The following SIPA1L2 variants were observed in gnomAD, a reference collection of about 807,000 sequenced individuals.
SIPA1L2 encodes the protein signal-induced proliferation-associated 1-like protein 2.
Under a neutral mutation model 163.9 loss-of-function variants are expected in SIPA1L2, and 56 were observed. The observed-to-expected ratio is 0.34, with a 90% CI of 0.28 to 0.43. SIPA1L2 has a LOEUF of 0.43. Among genes scored for constraint, SIPA1L2 ranks in the 20% least tolerant of loss-of-function variants. The pLI, the probability that SIPA1L2 is intolerant of heterozygous loss-of-function variation, is 1.00. For synonymous variants in SIPA1L2, 877 were observed against 865.7 expected (o/e 1.01, Z -0.23); for missense variants, 1,974 against 2,193.5 (o/e 0.90, Z 2.00).
Position 232,461,170 on chromosome 1 carries a change from G to A in SIPA1L2, c.2821-9C>T, listed in dbSNP as rs1664216023. Reference sequence around the variant, plus strand: ...CAGCCTCTCGTCACTATCTAAGGGGGAAGGAGACTGTTAGAGATGCCCTTC... The same window carrying A: ...CAGCCTCTCGTCACTATCTAAGGGGAAAGGAGACTGTTAGAGATGCCCTTC... On this transcript the variant is annotated splice_polypyrimidine_tract_variant and intron_variant, in intron 9 of 22. Coordinates refer to ENST00000674635, the MANE Select transcript of SIPA1L2 (RefSeq NM_020808.5). 2 of 1,611,906 alleles carry A rather than the reference G, an allele frequency of 1.2e-6. No homozygotes were observed. The highest frequency in any genetic ancestry group is 1.3e-5 in the African/African-American group (1 of 74,882).
At chr1:232,602,944 T>C (rs1041688273) in intron 1 of SIPA1L2, among the ~76,000 whole-genome samples, 7 of 152,332 alleles carry the variant, frequency 4.6e-5, no homozygotes, top group African/African-American at 1.4e-4. Flanking sequence ...GGCTACCATA[T>C]TGAACACACC....
At chr1:232,470,135 T>C (rs999993712) in intron 8 of SIPA1L2, among the ~76,000 whole-genome samples, 3 of 152,132 alleles carry the variant, frequency 2.0e-5, no homozygotes, top group African/African-American at 7.2e-5. Context: ...AAAGGCCAAC[T>C]CACCAGGTTT....
At chr1:232,577,620 C>T (rs1406735844) in intron 1 of SIPA1L2, among the ~76,000 whole-genome samples, 1 of 151,958 alleles carries the variant, frequency 6.6e-6, no homozygotes, top group Non-Finnish European at 1.5e-5. Flanking sequence ...GTCAAAATAT[C>T]AACAATTAAC....
intron 1 of SIPA1L2, among the ~76,000 whole-genome samples, chr1:232,616,344 A>T (rs941887556): frequency 6.6e-6 from 1 of 152,226 alleles, no homozygotes; most frequent in African/African-American, 2.4e-5. Context: ...CTAGAACAGA[A>T]GCCCAGGGAT....
At chr1:232,556,383 G>C (rs1658703967) in intron 2 of SIPA1L2, among the ~76,000 whole-genome samples, 1 of 151,950 alleles carries the variant, frequency 6.6e-6, no homozygotes, top group Admixed American at 6.5e-5. Context: ...AAAAGAAAAA[G>C]TGAACCCAAA....
intron 2 of SIPA1L2, among the ~76,000 whole-genome samples, chr1:232,570,299 C>T (rs1334884596): frequency 6.6e-6 from 1 of 152,166 alleles, no homozygotes; most frequent in Non-Finnish European, 1.5e-5. Flanking sequence ...GTGAACAAAT[C>T]CTAACTTCGC....
chr1:232,608,911 C>T (rs1662102135), intron 1 of SIPA1L2, among the ~76,000 whole-genome samples: 2 of 152,062 alleles, frequency 1.3e-5, no homozygotes, highest in South Asian at 2.1e-4. Flanking sequence ...TAGCTACTTA[C>T]TCACAATAGG....
At chr1:232,613,148 TA>T (rs1192181694) in intron 1 of SIPA1L2, among the ~76,000 whole-genome samples, 1 of 152,178 alleles carries the variant, frequency 6.6e-6, no homozygotes, top group Non-Finnish European at 1.5e-5. Context: ...TGTGAAACTG[TA>T]AGTCCAATTA....
Position 232,403,465 on chromosome 1 carries a change from C to A in SIPA1L2, c.4923G>T (p.Glu1641Asp). The A allele has an allele frequency of 6.3e-7, 1 of 1,583,312 alleles. No individual in the cohort carries two copies. Among genetic ancestry groups the A allele is most frequent in the South Asian group, 1.1e-5 (1 of 89,376 alleles). The change falls in exon 21 of 23, where the codon GAG becomes GAT. Residue 1641 changes from glutamate (E) to aspartate (D), a missense_variant. Coordinates refer to ENST00000674635, the MANE Select transcript of SIPA1L2 (RefSeq NM_020808.5). ...TCACATACCCAGTTGTGTCCATGAACTCTTTGCCACTGCCTGGATCTACAC... is the reference window on the plus strand; with the variant it reads ...TCACATACCCAGTTGTGTCCATGAAATCTTTGCCACTGCCTGGATCTACAC... ...PLCVDPGSGKEFMDTTGERSP... is the reference protein window; with the variant it reads ...PLCVDPGSGKDFMDTTGERSP...
At chr1:232,603,385 G>A (rs1185478066) in intron 1 of SIPA1L2, among the ~76,000 whole-genome samples, 2 of 151,554 alleles carry the variant, frequency 1.3e-5, no homozygotes, top group East Asian at 2.0e-4. Flanking sequence ...ATAAGATCAT[G>A]AGACCCCAGT....
chr1:232,468,729 C>A (rs1257661406), intron 8 of SIPA1L2, among the ~76,000 whole-genome samples: 1 of 152,154 alleles, frequency 6.6e-6, no homozygotes, highest in East Asian at 1.9e-4. Flanking sequence ...ATAGGTATCT[C>A]TCCACTTTTA....
At chr1:232,504,385 C>T (rs556992563) in intron 3 of SIPA1L2, among the ~76,000 whole-genome samples, 18 of 151,666 alleles carry the variant, frequency 1.2e-4, no homozygotes, top group African/African-American at 3.1e-4. Context: ...TAAAAATAAA[C>T]GAACTAGCCA....
intron 14 of SIPA1L2, among the ~76,000 whole-genome samples, chr1:232,440,843 G>A (rs1340192886): frequency 2.6e-5 from 4 of 152,188 alleles, no homozygotes; most frequent in Admixed American, 2.0e-4. Flanking sequence ...GAACTACCAC[G>A]TGGGCGGTGC....
In SIPA1L2 at chr1:232,457,229, C is replaced by A. The variant is rs565265326; in HGVS notation, c.3095+3658G>T. On this transcript the variant is annotated intron_variant, in intron 10 of 22. Coordinates refer to ENST00000674635, the MANE Select transcript of SIPA1L2 (RefSeq NM_020808.5). The stretch of plus-strand genomic sequence containing the variant: ...TGAGTCAAAACCAAACACCTTTTGA[C>A]CTGAGGACAAGAAAAACTGTCTATT... Among the ~76,000 whole-genome samples, 183 of 152,320 alleles carry A rather than the reference C, an allele frequency of 1.2e-3. 1 individual carries two copies. Among genetic ancestry groups the A allele is most frequent in the South Asian group, 2.7e-3 (13 of 4,830 alleles).
chr1:232,509,473 G>A (rs1007465418), intron 3 of SIPA1L2, among the ~76,000 whole-genome samples: 1 of 152,138 alleles, frequency 6.6e-6, no homozygotes, highest in South Asian at 2.1e-4. Flanking sequence ...AAATCCTTGA[G>A]AGAAGGGAAA....
chr1:232,468,982 C>G (rs919223552), intron 8 of SIPA1L2, among the ~76,000 whole-genome samples: 1 of 152,180 alleles, frequency 6.6e-6, no homozygotes, highest in African/African-American at 2.4e-5. Flanking sequence ...CCAGTGGACC[C>G]AGCATAACTG....
chr1:232,424,322 CAAAAAAAAAAAA>C (rs55961523), intron 18 of SIPA1L2, among the ~76,000 whole-genome samples: 4 of 71,772 alleles, frequency 5.6e-5, no homozygotes, highest in South Asian at 5.7e-4. Flanking sequence ...GTGAAGCTAA[CAAAAAAAAAAAA>C]AAAAAAAAAA....
At chr1:232,404,265 A>G in intron 19 of SIPA1L2, 87 bp from the exon 20 acceptor site, 1 of 1,204,404 alleles carries the variant, frequency 8.3e-7, no homozygotes, top group Non-Finnish European at 1.2e-6. Flanking sequence ...CGGCTGTGTG[A>G]AGTAGTGTGT....
rs1230950027 is a variant in SIPA1L2, at chr1:232,480,643, A to G, written c.1982-913T>C. ...TTTTTGCACATGGATAATGAAGACA[A>G]AAAGATATACAAAAAGGAAAATGTA... On this transcript the variant is annotated intron_variant, in intron 6 of 22. Transcript: ENST00000674635. Among the ~76,000 whole-genome samples, 4 of 152,344 alleles carry G rather than the reference A, an allele frequency of 2.6e-5. No individual in the cohort carries two copies. The East Asian group carries it at 7.7e-4, about 29-fold the overall frequency.
Sources: allele counts gnomAD v4.1 joint callset (sites outside exome capture counted in the v4.1 genomes callset), GRCh38; gene constraint gnomAD v4.1.1; transcripts MANE v1.5; gene names NCBI Gene and HGNC (gene_info 2026-07-23, HGNC 2026-07-21).